Variants in EPHA6 observed in about 807,000 individuals in gnomAD.
EPHA6 encodes EPH receptor A6.
A neutral mutation model predicts 112.0 loss-of-function variants in EPHA6; 50 were observed. The observed-to-expected ratio is 0.45, with a 90% CI of 0.36 to 0.56. EPHA6 has a LOEUF of 0.56. Among genes scored for constraint, EPHA6 ranks in the 20% least tolerant of loss-of-function variants. The pLI is 0.00. For missense variants in EPHA6, 1,280 were observed against 1,417.4 expected, an observed-to-expected ratio of 0.90 and a Z score of 1.56; for synonymous variants, 529 against 490.7, an observed-to-expected ratio of 1.08 and a Z score of -1.03.
In EPHA6 at chr3:97,643,775, C is replaced by A. The variant is rs1465634302; in HGVS notation, c.2784+5693C>A. ...TATATGCACCCAATACAGGAGCACC[C>A]AGATTCATAAAGCAAGTCCTGAGTG... On this transcript the variant is annotated intron_variant, in intron 14 of 17. Transcript: ENST00000389672. Among the ~76,000 whole-genome samples the A allele has an allele frequency of 7.3e-5, 11 of 151,116 alleles. No homozygotes were observed. In the South Asian group the frequency reaches 1.3e-3, roughly 17 times the overall value.
At chr3:97,190,053 G>T (rs1019006382) in intron 3 of EPHA6, among the ~76,000 whole-genome samples, 1 of 151,970 alleles carries the variant, frequency 6.6e-6, no homozygotes, top group Non-Finnish European at 1.5e-5. Context: ...ATAAGCCATG[G>T]ATACTTATAG....
In EPHA6 at chr3:96,956,567, T is replaced by A. The variant is rs141045712; in HGVS notation, c.451-30763T>A. Among the ~76,000 whole-genome samples the A allele has an allele frequency of 3.1e-3, 477 of 152,302 alleles. 6 individuals carry two copies. The highest frequency in any genetic ancestry group is 0.011 in the African/African-American group (458 of 41,572). On this transcript the variant is annotated intron_variant, in intron 2 of 17. Transcript: ENST00000389672. ...GAAGTGAACAGCATGCTATAGAGCT[T>A]CAAATTCCTTAAAGACAGGCTCCTG...
intron 5 of EPHA6, among the ~76,000 whole-genome samples, chr3:97,255,584 GT>G (rs1164409689): frequency 1.3e-5 from 2 of 152,144 alleles, no homozygotes; most frequent in Non-Finnish European, 2.9e-5. Context: ...ATACTACAGG[GT>G]GGTATAGCTT....
At chr3:97,732,593 G>T (rs1418552352) in intron 15 of EPHA6, among the ~76,000 whole-genome samples, 2 of 151,962 alleles carry the variant, frequency 1.3e-5, no homozygotes, top group Non-Finnish European at 2.9e-5. Flanking sequence ...TTTGTGAATT[G>T]CTTAAAAAAT....
At chr3:96,928,570 G>A (rs1420846882) in intron 2 of EPHA6, among the ~76,000 whole-genome samples, 3 of 152,128 alleles carry the variant, frequency 2.0e-5, no homozygotes, top group Non-Finnish European at 2.9e-5. Context: ...AGTGCCGTGC[G>A]GTGATGAGAA....
rs573720206 is a variant in EPHA6, at chr3:97,176,357, T to C, written c.1115-49907T>C. Among the ~76,000 whole-genome samples the C allele has an allele frequency of 6.4e-4, 98 of 152,040 alleles. 1 individual carries two copies. The highest frequency in any genetic ancestry group is 2.4e-3 in the Admixed American group (36 of 15,244). On this transcript the variant is annotated intron_variant, in intron 3 of 17. Transcript: ENST00000389672. ...TGTCAGAGATATTGGCCTGTAGTTT[T>C]CATTTCTTGATGTGTCTTAGTCTGG...
chr3:97,692,338 G>A (rs1159955692), intron 14 of EPHA6, among the ~76,000 whole-genome samples: 1 of 151,916 alleles, frequency 6.6e-6, no homozygotes, highest in Admixed American at 6.6e-5. Flanking sequence ...TTTTTTAGAA[G>A]GACTTCTGGA....
intron 16 of EPHA6, among the ~76,000 whole-genome samples, chr3:97,737,088 A>G (rs369013036): frequency 7.2e-5 from 11 of 152,170 alleles, no homozygotes; most frequent in South Asian, 2.1e-4. Context: ...GGCAGCCTCA[A>G]TAAAGTGAAG....
chr3:96,829,008 A>C lies in EPHA6; in HGVS notation c.385+14000A>C, dbSNP rs371066905. Among the ~76,000 whole-genome samples, 10 of 152,130 alleles carry C rather than the reference A, an allele frequency of 6.6e-5. No individual in the cohort carries two copies. In the East Asian group the frequency reaches 1.7e-3, roughly 26 times the overall value. On this transcript the variant is annotated intron_variant, in intron 1 of 17. Coordinates refer to ENST00000389672, the MANE Select transcript of EPHA6 (RefSeq NM_001080448.3). ...CTAGGGTCAGGAACAAGATTTCTACATATGGACTAAGTTCCAGACTCATAT... is the reference window on the plus strand; with the variant it reads ...CTAGGGTCAGGAACAAGATTTCTACCTATGGACTAAGTTCCAGACTCATAT...
chr3:97,684,643 C>T (rs1207503592), intron 14 of EPHA6, among the ~76,000 whole-genome samples: 1 of 152,138 alleles, frequency 6.6e-6, no homozygotes, highest in East Asian at 1.9e-4. Context: ...GCCCTCCATG[C>T]TGAATCACTG....
intron 3 of EPHA6, among the ~76,000 whole-genome samples, chr3:97,047,053 T>C (rs2045531881): frequency 6.6e-6 from 1 of 152,168 alleles, no homozygotes. Context: ...TATTTTTAAG[T>C]ATTTGATTTT....
chr3:96,949,076 C>G (rs952890474), intron 2 of EPHA6, among the ~76,000 whole-genome samples: 3 of 152,136 alleles, frequency 2.0e-5, no homozygotes, highest in African/African-American at 7.2e-5. Context: ...ATCCTATTGT[C>G]TGTTGCACTT....
intron 5 of EPHA6, among the ~76,000 whole-genome samples, chr3:97,297,497 T>G (rs2080915714): frequency 6.6e-6 from 1 of 152,186 alleles, no homozygotes; most frequent in Admixed American, 6.5e-5. Flanking sequence ...AATATGACTT[T>G]GCTTATGGTG....
intron 10 of EPHA6, among the ~76,000 whole-genome samples, chr3:97,495,435 T>C (rs914927661): frequency 6.6e-6 from 1 of 151,792 alleles, no homozygotes; most frequent in Non-Finnish European, 1.5e-5. Flanking sequence ...ATTCTTTACA[T>C]GTCTATACAA....
intron 3 of EPHA6, among the ~76,000 whole-genome samples, chr3:97,028,562 T>G (rs2044719221): frequency 6.6e-6 from 1 of 152,024 alleles, no homozygotes; most frequent in Admixed American, 6.6e-5. Flanking sequence ...GGAAAAAAAT[T>G]GCAAAATTGA....
chr3:97,213,614 A>G (rs2077941145), intron 3 of EPHA6, among the ~76,000 whole-genome samples: 1 of 152,120 alleles, frequency 6.6e-6, no homozygotes, highest in African/African-American at 2.4e-5. Context: ...GAGAGGGTTG[A>G]GTGGGAATTA....
At chr3:96,943,809 G>T (rs907162013) in intron 2 of EPHA6, among the ~76,000 whole-genome samples, 1 of 152,218 alleles carries the variant, frequency 6.6e-6, no homozygotes, top group Middle Eastern at 3.4e-3. Flanking sequence ...AGTGAGGCTA[G>T]CAGCATATGT....
At chr3:97,335,765 C>A (rs2083026364) in intron 5 of EPHA6, among the ~76,000 whole-genome samples, 1 of 152,112 alleles carries the variant, frequency 6.6e-6, no homozygotes, top group African/African-American at 2.4e-5. Context: ...TATGCAGAGC[C>A]AGCTGTGCAG....
chr3:97,213,461 G>GA (rs140147825), intron 3 of EPHA6, among the ~76,000 whole-genome samples: 3,607 of 152,110 alleles, frequency 0.024, 67 homozygotes, highest in South Asian at 0.039. Context: ...AGCAAGAAAA[G>GA]AAAAAACGGG....
Sources: allele counts gnomAD v4.1 joint callset (sites outside exome capture counted in the v4.1 genomes callset), GRCh38; gene constraint gnomAD v4.1.1; transcripts MANE v1.5; gene names NCBI Gene and HGNC (gene_info 2026-07-23, HGNC 2026-07-21).